The following TMEM272 variants were observed in gnomAD, a reference collection of about 807,000 sequenced individuals.
The protein encoded by TMEM272 is transmembrane protein 272.
Under a neutral mutation model 3.7 loss-of-function variants are expected in TMEM272, and 8 were observed. That is an observed-to-expected ratio of 2.17 (90% CI 1.27 to 3.91). The LOEUF (loss-of-function observed/expected upper bound fraction) is 3.91, where lower values mean the gene tolerates loss of function less well. Among genes scored for constraint, TMEM272 ranks in the 30% most tolerant of loss-of-function variants. The probability of loss-of-function intolerance (pLI) is 0.00; values close to 1 mark genes in which losing one functional copy is unlikely to be tolerated. For synonymous variants in TMEM272, 63 were observed against 39.8 expected, an observed-to-expected ratio of 1.58 and a Z score of -2.20; for missense variants, 166 against 91.5, an observed-to-expected ratio of 1.81 and a Z score of -3.32.
the TMEM272 span, among the ~76,000 whole-genome samples, chr13:51,891,828 T>C: frequency 6.6e-6 from 1 of 152,078 alleles, no homozygotes; most frequent in South Asian, 2.1e-4. Context: ...AAGGGTGAGC[T>C]TGATCAGGAT....
the TMEM272 span, among the ~76,000 whole-genome samples, chr13:51,866,614 A>C: frequency 3.9e-5 from 6 of 152,210 alleles, no homozygotes; most frequent in Non-Finnish European, 7.4e-5. Flanking sequence ...TGTGGAGGAC[A>C]CAGGCAGAAT....
the TMEM272 span, among the ~76,000 whole-genome samples, chr13:51,926,752 T>C: frequency 2.5e-3 from 380 of 152,148 alleles, 3 homozygotes; most frequent in African/African-American, 8.7e-3. Flanking sequence ...TGCTCTAAGG[T>C]GGGACAGGGA....
At chr13:51,878,419 G>A in the TMEM272 span, among the ~76,000 whole-genome samples, 1 of 152,076 alleles carries the variant, frequency 6.6e-6, no homozygotes, top group Admixed American at 6.5e-5. Flanking sequence ...GACAGAGCGA[G>A]ACTCTGTCAA....
the TMEM272 span, among the ~76,000 whole-genome samples, chr13:51,910,995 C>A: frequency 6.6e-6 from 1 of 152,214 alleles, no homozygotes; most frequent in African/African-American, 2.4e-5. Flanking sequence ...GCAGAAGAAA[C>A]TCCCAGCTGA....
the TMEM272 span, chr13:51,908,806 G>A: frequency 1.4e-6 from 2 of 1,438,658 alleles, no homozygotes; most frequent in Non-Finnish European, 2.0e-6. Flanking sequence ...TGTCCTGGTG[G>A]AGGAAACATC....
At chr13:51,847,755 G>A (rs1044187016), upstream of TMEM272, among the ~76,000 whole-genome samples, 7 of 152,090 alleles carry the variant, frequency 4.6e-5, no homozygotes, top group African/African-American at 1.4e-4. Context: ...AGCCTGGCCT[G>A]GACGTGGCCA....
chr13:51,825,379 G>T (rs1028449953), intron 3 of TMEM272, among the ~76,000 whole-genome samples: 1 of 152,158 alleles, frequency 6.6e-6, no homozygotes, highest in African/African-American at 2.4e-5. Flanking sequence ...CATAACAAAA[G>T]AAACCATTCT....
chr13:51,917,552 C>T, the TMEM272 span, among the ~76,000 whole-genome samples: 2 of 152,240 alleles, frequency 1.3e-5, no homozygotes, highest in Middle Eastern at 6.8e-3. Flanking sequence ...CTGGGAGATG[C>T]TAGGGAAACC....
the TMEM272 span, among the ~76,000 whole-genome samples, chr13:51,914,760 C>G: frequency 2.6e-5 from 4 of 152,330 alleles, no homozygotes; most frequent in South Asian, 8.3e-4. Context: ...CACCAGCCCA[C>G]ATCTACTGAG....
In TMEM272 at chr13:51,813,449, C is replaced by T. The variant is rs961587465; in HGVS notation, c.*3302G>A. The T allele has an allele frequency of 2.8e-5, 11 of 393,448 alleles. No homozygotes were observed. Among genetic ancestry groups the T allele is most frequent in the Non-Finnish European group, 4.9e-5 (11 of 223,544 alleles). 24.4% of individuals were successfully genotyped at this position (393,448 alleles called of 1,614,324 possible). On this transcript the variant is annotated 3_prime_UTR_variant, in exon 5 of 5. Transcript: ENST00000629372. ...AGATGAAAGCTATTGACCACTTGGC[C>T]ACTTCTCATACTAAAAGAGAAGGAA...
intron 1 of TMEM272, among the ~76,000 whole-genome samples, chr13:51,842,564 A>G (rs1003994968): frequency 1.3e-5 from 2 of 152,224 alleles, no homozygotes; most frequent in African/African-American, 4.8e-5. Flanking sequence ...GATCAAGGAG[A>G]AAAGAAAATC....
chr13:51,830,589 A>G (rs1381624042), intron 2 of TMEM272, among the ~76,000 whole-genome samples: 1 of 152,188 alleles, frequency 6.6e-6, no homozygotes, highest in East Asian at 1.9e-4. Context: ...GGCACATAAT[A>G]AACACCGATA....
chr13:51,912,364 T>C, the TMEM272 span, among the ~76,000 whole-genome samples: 2 of 152,106 alleles, frequency 1.3e-5, no homozygotes, highest in Non-Finnish European at 2.9e-5. Flanking sequence ...GCCTTCTCCG[T>C]ATCACGTGGG....
At chr13:51,874,978 G>A in the TMEM272 span, among the ~76,000 whole-genome samples, 1 of 152,186 alleles carries the variant, frequency 6.6e-6, no homozygotes, top group African/African-American at 2.4e-5. Context: ...AGAACTCAGA[G>A]CTGGTTGCTT....
At chr13:51,908,526 G>A in the TMEM272 span, 143 of 1,448,878 alleles carry the variant, frequency 9.9e-5, no homozygotes, top group Admixed American at 1.3e-3. Context: ...TGGAAACAAT[G>A]GACCTCTGAT....
chr13:51,892,579 CT>C, the TMEM272 span, among the ~76,000 whole-genome samples: 1 of 152,168 alleles, frequency 6.6e-6, no homozygotes, highest in East Asian at 1.9e-4. Flanking sequence ...CTCCACCTCC[CT>C]TTCCAGTCTT....
At chr13:51,922,621 C>T in the TMEM272 span, among the ~76,000 whole-genome samples, 3 of 152,184 alleles carry the variant, frequency 2.0e-5, no homozygotes, top group South Asian at 6.2e-4. Flanking sequence ...TAACAAACTA[C>T]TGCAAACTTC....
intron 4 of TMEM272, among the ~76,000 whole-genome samples, chr13:51,817,467 T>A (rs1216667558): frequency 6.6e-6 from 1 of 152,060 alleles, no homozygotes; most frequent in Non-Finnish European, 1.5e-5. Context: ...TGCTAGCACA[T>A]TTGCACCCAC....
the TMEM272 span, chr13:51,910,549 C>T: frequency 1.4e-6 from 1 of 699,282 alleles, no homozygotes; most frequent in Non-Finnish European, 2.7e-6. Flanking sequence ...TCAGGCAGTG[C>T]TGCCATAACC....
Sources: allele counts gnomAD v4.1 joint callset (sites outside exome capture counted in the v4.1 genomes callset), GRCh38; gene constraint gnomAD v4.1.1; transcripts MANE v1.5; gene names NCBI Gene and HGNC (gene_info 2026-07-23, HGNC 2026-07-21).